Variants in PLCE1 observed in about 807,000 individuals in gnomAD.
PLCE1 encodes the protein phospholipase C epsilon 1, also known as 1-phosphatidylinositol 4,5-bisphosphate phosphodiesterase epsilon-1.
Under a neutral mutation model 242.8 loss-of-function variants are expected in PLCE1, and 119 were observed. The observed-to-expected ratio is 0.49, with a 90% CI of 0.42 to 0.57. PLCE1 has a LOEUF of 0.57. Ranked by LOEUF, PLCE1 falls within the 20% of genes least tolerant of loss-of-function variation. PLCE1 has a pLI of 0.00. For missense variants in PLCE1, 2,441 were observed against 2,788.8 expected, an observed-to-expected ratio of 0.88 and a Z score of 2.81; for synonymous variants, 945 against 1,017.4, an observed-to-expected ratio of 0.93 and a Z score of 1.35.
intron 4 of PLCE1, among the ~76,000 whole-genome samples, chr10:94,197,453 A>G (rs1201346170): frequency 1.3e-5 from 2 of 152,180 alleles, no homozygotes. Context: ...CCAACAATGT[A>G]TGAGGGTTCT....
chr10:94,031,866 G>T lies in PLCE1; in HGVS notation c.820G>T (p.Asp274Tyr), dbSNP rs2061565766. The T allele has an allele frequency of 1.2e-6, 2 of 1,613,742 alleles. No homozygotes were observed. Among genetic ancestry groups the T allele is most frequent in the East Asian group, 2.2e-5 (1 of 44,870 alleles). The change falls in exon 2 of 33, where the codon GAC (aspartate) becomes TAC (tyrosine). Residue 274 changes from aspartate (D) to tyrosine (Y), a missense_variant. Asp to Tyr is a radical substitution (Grantham distance 160, BLOSUM62 -3). Coordinates refer to ENST00000371380, the MANE Select transcript of PLCE1 (RefSeq NM_016341.4). ...CTTTGAAGGCTCTTGTGAGAAGGTT[G>T]ACATGGTATATTCAGGTGATAGCTT... ...FCFEGSCEKV[D>Y]MVYSGDSFCR...
intron 2 of PLCE1, among the ~76,000 whole-genome samples, chr10:94,066,021 G>A (rs2044185580): frequency 6.6e-6 from 1 of 152,126 alleles, no homozygotes; most frequent in African/African-American, 2.4e-5. Context: ...CAGTATTTTG[G>A]CTAGCTGAGA....
At chr10:94,078,778 T>C (rs983918223) in intron 2 of PLCE1, among the ~76,000 whole-genome samples, 2 of 152,218 alleles carry the variant, frequency 1.3e-5, no homozygotes, top group Non-Finnish European at 2.9e-5. Flanking sequence ...CCACCATGTG[T>C]GGCCTGCTCA....
intron 20 of PLCE1, among the ~76,000 whole-genome samples, chr10:94,281,882 A>T (rs148861128): frequency 6.3e-4 from 96 of 151,866 alleles, no homozygotes; most frequent in Non-Finnish European, 1.1e-3. Context: ...TACTAACCAC[A>T]TGCCTTTGAT....
intron 28 of PLCE1, among the ~76,000 whole-genome samples, chr10:94,316,341 T>C (rs939075246): frequency 1.3e-5 from 2 of 152,236 alleles, no homozygotes; most frequent in African/African-American, 4.8e-5. Flanking sequence ...CTGGGGATTA[T>C]GAATAAGTTG....
rs774429019 is a variant in PLCE1 at position 94,171,468 on chromosome 10, T to C, written c.1781T>C (p.Leu594Pro). ...ACTCAGAATGGAGAGCACAATGCCC[T>C]TGAAGATCTGGTGATGAGGTTTAAT... ...LTTQNGEHNA[L>P]EDLVMRFNEV... Residue 594 changes from leucine (L) to proline (P), a missense_variant, in exon 4 of 33, where the codon CTT becomes CCT. Leu to Pro is a moderately conservative substitution (Grantham distance 98). Coordinates refer to ENST00000371380, the MANE Select transcript of PLCE1 (RefSeq NM_016341.4). 3 of 1,614,132 alleles carry C rather than the reference T, an allele frequency of 1.9e-6. No homozygotes were observed. Among genetic ancestry groups the C allele is most frequent in the South Asian group, 2.2e-5 (2 of 91,082 alleles).
intron 5 of PLCE1, among the ~76,000 whole-genome samples, chr10:94,229,600 A>T (rs1247872178): frequency 6.6e-6 from 1 of 152,212 alleles, no homozygotes; most frequent in Non-Finnish European, 1.5e-5. Context: ...GCCACATACC[A>T]TGTTCTAGAT....
At chr10:94,004,686 T>C (rs931379217) in intron 1 of PLCE1, among the ~76,000 whole-genome samples, 2 of 152,316 alleles carry the variant, frequency 1.3e-5, no homozygotes, top group East Asian at 3.9e-4. Context: ...TTTGGACTTT[T>C]TTTCAACCAT....
intron 12 of PLCE1, 39 bp downstream of exon 12, chr10:94,258,961 C>T (rs774755358): frequency 6.2e-7 from 1 of 1,614,012 alleles, no homozygotes; most frequent in East Asian, 2.2e-5. Context: ...TTCTCAGGCC[C>T]CCCCATTTCT....
intron 31 of PLCE1, 51 bp downstream of exon 31, chr10:94,324,618 A>G: frequency 7.3e-7 from 1 of 1,374,042 alleles, no homozygotes; most frequent in Non-Finnish European, 1.0e-6. Flanking sequence ...GATACCCATA[A>G]TTACACTGTA....
rs373445162 is a variant in PLCE1, at chr10:94,306,248, G to A, written c.5623-179G>A. On this transcript the variant is annotated intron_variant, in intron 25 of 32. Transcript: ENST00000371380. The surrounding 1 kb of genome is among the most constrained non-coding windows in gnomAD (Gnocchi z 5.7). Reference sequence around the variant, plus strand: ...GCCTCCCAAAGTGCTGGGATTACAGGCATAAGCCACCGCGCCCAGCCCTAC... The same window carrying A: ...GCCTCCCAAAGTGCTGGGATTACAGACATAAGCCACCGCGCCCAGCCCTAC... Among the ~76,000 whole-genome samples, 27 of 152,284 alleles carry A rather than the reference G, an allele frequency of 1.8e-4. 1 individual carries two copies. The East Asian group carries it at 2.7e-3, about 15-fold the overall frequency.
At chr10:94,048,373 A>G (rs1222166136) in intron 2 of PLCE1, among the ~76,000 whole-genome samples, 2 of 152,098 alleles carry the variant, frequency 1.3e-5, no homozygotes, top group African/African-American at 4.8e-5. Flanking sequence ...AAGTGGTTGC[A>G]TCAGTTTACA....
At chr10:94,146,558 A>G (rs1223629) in intron 3 of PLCE1, among the ~76,000 whole-genome samples, 130,648 of 152,060 alleles carry the variant, frequency 0.86, 58,287 homozygotes, top group South Asian at 0.98. Flanking sequence ...ACCAAATGTG[A>G]AAAACCTTTA....
intron 7 of PLCE1, among the ~76,000 whole-genome samples, chr10:94,242,977 A>G (rs948542902): frequency 6.6e-6 from 1 of 152,240 alleles, no homozygotes; most frequent in Non-Finnish European, 1.5e-5. Context: ...TAACTTAGGC[A>G]GATTCTTCAC....
chr10:94,175,410 T>G (rs2048100067), intron 4 of PLCE1, among the ~76,000 whole-genome samples: 1 of 152,180 alleles, frequency 6.6e-6, no homozygotes, highest in Non-Finnish European at 1.5e-5. Flanking sequence ...AGAGATTTAT[T>G]TATTTCAATT....
chr10:94,216,995 T>G (rs1330281175), intron 4 of PLCE1, among the ~76,000 whole-genome samples: 4 of 150,420 alleles, frequency 2.7e-5, no homozygotes, highest in Middle Eastern at 3.4e-3. Flanking sequence ...TTATGAAGAT[T>G]AGACTCAACA....
intron 23 of PLCE1, 126 bp downstream of exon 23, chr10:94,293,765 A>G (rs1398312692): frequency 4.4e-6 from 5 of 1,131,632 alleles, no homozygotes; most frequent in Non-Finnish European, 6.4e-6. Flanking sequence ...TTGTCTGAGT[A>G]TAGTATAAAT....
chr10:94,327,918 T>C (rs2054091732), intron 32 of PLCE1, 50 bp from the exon 33 acceptor site: 3 of 513,096 alleles, frequency 5.8e-6, no homozygotes, highest in Non-Finnish European at 1.2e-5. Context: ...CAAGTGTTTC[T>C]GTTTCTTCAT....
chr10:94,198,705 C>T (rs1023883759), intron 4 of PLCE1, among the ~76,000 whole-genome samples: 5 of 152,158 alleles, frequency 3.3e-5, no homozygotes, highest in Admixed American at 3.3e-4. Context: ...TAGAATCTTA[C>T]AGTAGGTAGT....
Sources: allele counts gnomAD v4.1 joint callset (sites outside exome capture counted in the v4.1 genomes callset), GRCh38; gene constraint gnomAD v4.1.1; non-coding constraint Gnocchi (gnomAD v3.1); transcripts MANE v1.5; gene names NCBI Gene and HGNC (gene_info 2026-07-23, HGNC 2026-07-21).